TDP1: variants seen among roughly 807,000 people sequenced by gnomAD.
The protein encoded by TDP1 is tyrosyl-DNA phosphodiesterase 1, also known as tyr-DNA phosphodiesterase 1.
Under a neutral mutation model 81.5 loss-of-function variants are expected in TDP1, and 64 were observed. The ratio of observed to expected loss-of-function variants is 0.79; its 90% confidence interval spans 0.64 to 0.97. The LOEUF (loss-of-function observed/expected upper bound fraction) is 0.97. Among genes scored for constraint, TDP1 ranks in the 50% least tolerant of loss-of-function variants. The probability of loss-of-function intolerance (pLI) is 0.00; values close to 1 mark genes in which losing one functional copy is unlikely to be tolerated. For missense variants in TDP1, 723 were observed against 743.8 expected (o/e 0.97, Z 0.33); for synonymous variants, 256 against 264.3 (o/e 0.97, Z 0.30).
At chr14:90,017,074 G>C (rs942500645) in intron 14 of TDP1, among the ~76,000 whole-genome samples, 19 of 152,186 alleles carry the variant, frequency 1.2e-4, no homozygotes, top group African/African-American at 4.3e-4. Flanking sequence ...ACAGAAGCCA[G>C]GACAGGCAGT....
At chr14:90,042,922 T>C in intron 16 of TDP1, 148 bp from the exon 17 acceptor site, 4 of 1,535,168 alleles carry the variant, frequency 2.6e-6, no homozygotes, top group Non-Finnish European at 3.5e-6. Flanking sequence ...AGCTGTTGTC[T>C]GAAGGGGGAG....
chr14:90,014,115 G>T (rs1885036419), intron 14 of TDP1, among the ~76,000 whole-genome samples: 2 of 152,130 alleles, frequency 1.3e-5, no homozygotes, highest in African/African-American at 4.8e-5. Flanking sequence ...ACTTTTAATA[G>T]ATACTATCCA....
chr14:89,975,415 C>T (rs907507483), intron 6 of TDP1: 2 of 985,176 alleles, frequency 2.0e-6, no homozygotes, highest in Admixed American at 1.2e-4. Flanking sequence ...AACTGTGTAC[C>T]ATTAATTTCT....
intron 7 of TDP1, among the ~76,000 whole-genome samples, chr14:89,978,093 A>T (rs1347492082): frequency 1.3e-5 from 2 of 152,178 alleles, no homozygotes; most frequent in African/African-American, 4.8e-5. Context: ...ATCTGTAGTC[A>T]GGCCCCCACC....
intron 16 of TDP1, 86 bp downstream of exon 16, chr14:90,033,300 A>T: frequency 2.4e-6 from 2 of 819,824 alleles, no homozygotes; most frequent in Non-Finnish European, 4.2e-6. Flanking sequence ...TCTCAGTGGG[A>T]TCCTGGCTCA....
At position 90,011,595 on chromosome 14, in the gene TDP1, GGAC is replaced by G. The variant is rs1366561848; in HGVS notation, c.1542-7720_1542-7718del. Among the ~76,000 whole-genome samples the G allele has an allele frequency of 5.3e-5, 8 of 152,268 alleles. No homozygotes were observed. In the East Asian group the frequency reaches 7.7e-4, roughly 15 times the overall value. Reference sequence around the variant, plus strand: ...AACTTGTTGGGAACTGGGGCATAGGGGACTCTTCCTATGTTTTATCAAGGAGAC... The same window carrying G: ...AACTTGTTGGGAACTGGGGCATAGGGTCTTCCTATGTTTTATCAAGGAGAC... On this transcript the variant is annotated intron_variant, in intron 14 of 16. Transcript: ENST00000335725.
chr14:89,969,039 C>T (rs766685186), intron 5 of TDP1, among the ~76,000 whole-genome samples: 2 of 152,148 alleles, frequency 1.3e-5, no homozygotes, highest in African/African-American at 4.8e-5. Context: ...AGACACAGAA[C>T]GCCATTTACA....
At chr14:89,974,199 T>G (rs1454252558) in intron 6 of TDP1, among the ~76,000 whole-genome samples, 1 of 152,206 alleles carries the variant, frequency 6.6e-6, no homozygotes, top group Non-Finnish European at 1.5e-5. Flanking sequence ...TCCTAGAGTT[T>G]ACTAAAGGAC....
chr14:89,962,049 A>C (rs990571852), intron 2 of TDP1, among the ~76,000 whole-genome samples: 1 of 152,194 alleles, frequency 6.6e-6, no homozygotes, highest in East Asian at 1.9e-4. Context: ...GTAACAGCAA[A>C]AGTGACTGTT....
intron 15 of TDP1, among the ~76,000 whole-genome samples, chr14:90,023,852 C>T (rs1886359878): frequency 6.6e-6 from 1 of 152,110 alleles, no homozygotes; most frequent in Non-Finnish European, 1.5e-5. Context: ...GTTAATTTTT[C>T]TGTAGAGATG....
At chr14:90,007,154 TC>T in intron 14 of TDP1, among the ~76,000 whole-genome samples, 1 of 152,354 alleles carries the variant, frequency 6.6e-6, no homozygotes, top group South Asian at 2.1e-4. Flanking sequence ...TCAAACAAAT[TC>T]AGTTTTATTC....
chr14:90,041,980 A>T (rs34444631), intron 16 of TDP1, among the ~76,000 whole-genome samples: 3,215 of 152,276 alleles, frequency 0.021, 107 homozygotes, highest in African/African-American at 0.072. Flanking sequence ...ATTAATTCCC[A>T]TTCCATAGAG....
chr14:90,024,751 A>G (rs899067565), intron 15 of TDP1, among the ~76,000 whole-genome samples: 2 of 152,224 alleles, frequency 1.3e-5, no homozygotes, highest in Non-Finnish European at 1.5e-5. Context: ...AATATCTTAA[A>G]GATTTCTGTA....
chr14:89,976,029 A>G (rs1264534956), intron 7 of TDP1, among the ~76,000 whole-genome samples: 6 of 152,340 alleles, frequency 3.9e-5, no homozygotes, highest in African/African-American at 1.4e-4. Context: ...ACTGAGGCCC[A>G]GGTTTAGGTA....
rs1249597839 is a variant in TDP1, at chr14:89,991,702, G to A, written c.1367-215G>A. 3 of 965,548 alleles carry A rather than the reference G, an allele frequency of 3.1e-6. No individual in the cohort carries two copies. The African/African-American group carries it at 5.3e-5, about 17-fold the overall frequency. 59.8% of individuals were successfully genotyped at this position (965,548 alleles called of 1,614,324 possible). On this transcript the variant is annotated intron_variant, in intron 12 of 16. Transcript: ENST00000335725. ...ATAAGTCTGGATGTTTATAAGATTTGCATAAAGTTAATACTGAAGGAAGGA... is the reference window on the plus strand; with the variant it reads ...ATAAGTCTGGATGTTTATAAGATTTACATAAAGTTAATACTGAAGGAAGGA...
At position 90,033,150 on chromosome 14, in the gene TDP1, C is replaced by T; in HGVS notation, c.1689C>T (p.Ser563=). ...TGAAACAGAAGTTCTTCGCTGGCAG[C>T]CAGGAGCCAATGGCCACCTTTCCTG... is the stretch of plus-strand genomic sequence containing the variant. ...FKVKQKFFAG[S]QEPMATFPVP... is the part of the protein sequence containing the mutation. The change falls in exon 16 of 17, where the codon AGC becomes AGT. Residue 563 remains serine, a synonymous_variant. Transcript: ENST00000335725. 1 of 1,613,352 alleles carries T rather than the reference C, an allele frequency of 6.2e-7. No homozygotes were observed. The highest frequency in any genetic ancestry group is 8.5e-7 in the Non-Finnish European group (1 of 1,179,422).
At chr14:90,040,004 G>A in intron 16 of TDP1, among the ~76,000 whole-genome samples, 1 of 152,144 alleles carries the variant, frequency 6.6e-6, no homozygotes, top group Admixed American at 6.5e-5. Context: ...GGAGAGCTAA[G>A]TTCTAGAGTT....
intron 8 of TDP1, among the ~76,000 whole-genome samples, chr14:89,981,143 G>A (rs1229043932): frequency 6.6e-6 from 1 of 152,176 alleles, no homozygotes; most frequent in Non-Finnish European, 1.5e-5. Context: ...GGTAGGGCCT[G>A]GTCATGTTAA....
At chr14:90,042,801 G>A in intron 16 of TDP1, 1 of 893,420 alleles carries the variant, frequency 1.1e-6, no homozygotes, top group Non-Finnish European at 1.3e-6. Context: ...CCCACGATAT[G>A]TGGGAATTAT....
Sources: gnomAD v4.1 joint callset for allele counts (sites outside exome capture counted in the v4.1 genomes callset) on GRCh38, gnomAD v4.1.1 for gene constraint, MANE v1.5 for transcripts, NCBI Gene and HGNC (gene_info 2026-07-23, HGNC 2026-07-21) for gene names.